TTC8: variants seen among roughly 807,000 people sequenced by gnomAD.
TTC8 encodes the protein tetratricopeptide repeat protein 8.
Under a neutral mutation model 72.5 loss-of-function variants are expected in TTC8, and 47 were observed. That is an observed-to-expected ratio of 0.65 (90% confidence interval 0.51 to 0.83). The LOEUF (loss-of-function observed/expected upper bound fraction) is 0.83, where lower values mean the gene tolerates loss of function less well. Among genes scored for constraint, TTC8 ranks in the 40% least tolerant of loss-of-function variants. TTC8 has a pLI of 0.00. For missense variants in TTC8, 611 were observed against 623.2 expected, an observed-to-expected ratio of 0.98 and a Z score of 0.21; for synonymous variants, 199 against 221.4, an observed-to-expected ratio of 0.90 and a Z score of 0.90.
chr14:88,849,953 A>G (rs2094826100), intron 7 of TTC8, among the ~76,000 whole-genome samples: 1 of 152,152 alleles, frequency 6.6e-6, no homozygotes, highest in South Asian at 2.1e-4. Context: ...AGTTGTTACA[A>G]CTATAACAAC....
intron 12 of TTC8, among the ~76,000 whole-genome samples, chr14:88,872,126 C>T (rs1211766004): frequency 3.3e-5 from 5 of 152,082 alleles, no homozygotes; most frequent in African/African-American, 7.2e-5. Context: ...AGTAGTCTTA[C>T]GGGGCAATTT....
chr14:88,859,343 A>G (rs1566849705), intron 9 of TTC8, among the ~76,000 whole-genome samples: 1 of 152,204 alleles, frequency 6.6e-6, no homozygotes, highest in African/African-American at 2.4e-5. Context: ...GCCATAAAAA[A>G]GAATGAGAGC....
intron 1 of TTC8, among the ~76,000 whole-genome samples, chr14:88,827,535 A>G (rs1187153683): frequency 6.6e-6 from 1 of 152,166 alleles, no homozygotes; most frequent in Non-Finnish European, 1.5e-5. Flanking sequence ...TAGACGTTTA[A>G]CTTGATGTCA....
intron 7 of TTC8, among the ~76,000 whole-genome samples, chr14:88,850,754 T>C (rs2094829731): frequency 6.6e-6 from 1 of 152,166 alleles, no homozygotes. Flanking sequence ...AAAAACCAAA[T>C]TCTGTCAAAA....
intron 10 of TTC8, among the ~76,000 whole-genome samples, chr14:88,866,999 T>C (rs550675536): frequency 2.6e-5 from 4 of 152,150 alleles, no homozygotes; most frequent in African/African-American, 4.8e-5. Flanking sequence ...TATAAAAAAC[T>C]AAAACAACAG....
chr14:88,879,696 T>TATTATG (rs1393187579), downstream of TTC8: 2 of 125,270 alleles, frequency 1.6e-5, no homozygotes, highest in East Asian at 4.5e-4. Flanking sequence ...TTATTATTAT[T>TATTATG]ATGACAGTCT....
chr14:88,876,834 T>A (rs2094959334), intron 14 of TTC8, among the ~76,000 whole-genome samples: 1 of 152,184 alleles, frequency 6.6e-6, no homozygotes, highest in African/African-American at 2.4e-5. Context: ...ATTTTCTGTC[T>A]AAAAGGTAAC....
intron 13 of TTC8, 37 bp from the exon 14 acceptor site, chr14:88,874,989 C>T (rs373322509): frequency 1.8e-5 from 27 of 1,513,680 alleles, no homozygotes; most frequent in African/African-American, 8.2e-5. Flanking sequence ...TATGTTCATA[C>T]GCCTTTGGTT....
chr14:88,845,977 G>C (rs2094804375), intron 7 of TTC8, among the ~76,000 whole-genome samples: 1 of 151,810 alleles, frequency 6.6e-6, no homozygotes, highest in Non-Finnish European at 1.5e-5. Context: ...ACGTGGGGGA[G>C]GATGCTATTT....
intron 2 of TTC8, among the ~76,000 whole-genome samples, chr14:88,835,766 CTT>C (rs1033140330): frequency 6.6e-6 from 1 of 151,492 alleles, no homozygotes; most frequent in Admixed American, 6.6e-5. Flanking sequence ...TAGTTTTAAA[CTT>C]TTTTTTGGTT....
intron 7 of TTC8, among the ~76,000 whole-genome samples, chr14:88,847,341 C>T (rs551376143): frequency 6.6e-6 from 1 of 152,262 alleles, no homozygotes; most frequent in South Asian, 2.1e-4. Context: ...AGGTGTGTTA[C>T]CTGTCTCAAT....
rs1368108330 is a variant in TTC8 at position 88,870,080 on chromosome 14, G to T, written c.931G>T (p.Ala311Ser). 3.7e-6 allele frequency: 6 copies of T among 1,613,944 alleles called. No individual in the cohort carries two copies. The highest frequency in any genetic ancestry group is 1.1e-5 in the South Asian group (1 of 91,070). Residue 311 changes from alanine (A) to serine (S), a missense_variant, in exon 11 of 15, where the codon GCA (alanine) becomes TCA (serine). By Grantham distance (99) the Ala-to-Ser change is moderately conservative. Transcript: ENST00000380656. ...IYEEMNNMSS[A>S]AEYYKEVLKQ... Reference sequence around the variant, plus strand: ...ATAGGAAATGAACAATATGTCATCAGCAGCAGAATATTACAAAGAAGTTTT... The same window carrying T: ...ATAGGAAATGAACAATATGTCATCATCAGCAGAATATTACAAAGAAGTTTT...
At chr14:88,844,508 G>C (rs1373484866) in intron 7 of TTC8, among the ~76,000 whole-genome samples, 1 of 151,922 alleles carries the variant, frequency 6.6e-6, no homozygotes, top group African/African-American at 2.4e-5. Flanking sequence ...TAAGCATTTA[G>C]GAAAATAAAA....
At chr14:88,864,830 T>C (rs2094902904) in intron 10 of TTC8, among the ~76,000 whole-genome samples, 2 of 152,226 alleles carry the variant, frequency 1.3e-5, no homozygotes, top group South Asian at 4.1e-4. Flanking sequence ...TTTCTCTTCA[T>C]GTGACAATAG....
intron 7 of TTC8, among the ~76,000 whole-genome samples, chr14:88,851,419 AC>A (rs1199501234): frequency 1.3e-5 from 2 of 152,210 alleles, no homozygotes; most frequent in African/African-American, 4.8e-5. Flanking sequence ...TGTAAGAAGC[AC>A]TAAATCTAAC....
rs28510940 is a variant in TTC8, at chr14:88,834,468, G to A, written c.144+746G>A. Among the ~76,000 whole-genome samples, 595 of 152,134 alleles carry A rather than the reference G, an allele frequency of 3.9e-3. 6 individuals are homozygous for A. The highest frequency in any genetic ancestry group is 0.014 in the African/African-American group (566 of 41,486). ...CCAAGCGAGATGGAATGTTAACAGCGGTTTTTTTAGGTAAATAAAAGACTT... is the reference window on the plus strand; with the variant it reads ...CCAAGCGAGATGGAATGTTAACAGCAGTTTTTTTAGGTAAATAAAAGACTT... On this transcript the variant is annotated intron_variant, in intron 2 of 14. Transcript: ENST00000380656.
At chr14:88,875,155 T>C in intron 14 of TTC8, 46 bp downstream of exon 14, 1 of 1,504,734 alleles carries the variant, frequency 6.6e-7, no homozygotes, top group Non-Finnish European at 9.2e-7. Context: ...GTTCTTTTTT[T>C]TTCTTTGTTT....
intron 3 of TTC8, 108 bp from the exon 4 acceptor site, chr14:88,840,757 T>C: frequency 1.9e-6 from 2 of 1,035,766 alleles, no homozygotes; most frequent in Non-Finnish European, 3.0e-6. Flanking sequence ...TTTCTTGCTA[T>C]TAATGTCTTT....
intron 9 of TTC8, among the ~76,000 whole-genome samples, chr14:88,858,581 T>C (rs2094868058): frequency 6.6e-6 from 1 of 151,860 alleles, no homozygotes; most frequent in African/African-American, 2.4e-5. Flanking sequence ...CTATATGTGA[T>C]ATATTCAACT....
Sources: allele counts gnomAD v4.1 joint callset (sites outside exome capture counted in the v4.1 genomes callset), GRCh38; gene constraint gnomAD v4.1.1; transcripts MANE v1.5; gene names NCBI Gene and HGNC (gene_info 2026-07-23, HGNC 2026-07-21).